Variants in MATN2 observed in about 807,000 individuals in gnomAD.
The protein encoded by MATN2 is matrilin 2, also known as matrilin-2.
Under a neutral mutation model 103.2 loss-of-function variants are expected in MATN2, and 69 were observed. The ratio of observed to expected loss-of-function variants is 0.67; its 90% CI spans 0.55 to 0.82. The LOEUF is 0.82. Ranked by LOEUF, MATN2 falls within the 40% of genes least tolerant of loss-of-function variation. The pLI, the probability that MATN2 is intolerant of heterozygous loss-of-function variation, is 0.00. For missense variants in MATN2, 1,023 were observed against 1,211.5 expected (o/e 0.84, Z 2.31); for synonymous variants, 429 against 450.2 (o/e 0.95, Z 0.60).
intron 13 of MATN2, among the ~76,000 whole-genome samples, chr8:98,022,691 T>C (rs1813644832): frequency 1.3e-5 from 2 of 150,194 alleles, no homozygotes; most frequent in African/African-American, 2.4e-5. Flanking sequence ...AGAAGCTTTC[T>C]ACCAGGGAAG....
rs180682561 is a variant in MATN2 at position 97,970,426 on chromosome 8, G to T, written c.959-8460G>T. On this transcript the variant is annotated intron_variant, in intron 5 of 18. Coordinates refer to ENST00000254898, the MANE Select transcript of MATN2 (RefSeq NM_002380.5). ...CCTGCCTCCTACCTCACAGCTACTA[G>T]TGAATTTATGCAGTAGATTTTCAGT... Among the ~76,000 whole-genome samples the T allele has an allele frequency of 2.4e-4, 36 of 152,272 alleles. No individual in the cohort carries two copies. In the East Asian group the frequency reaches 6.6e-3, roughly 28 times the overall value.
At chr8:97,962,782 C>G (rs1029615038) in intron 5 of MATN2, among the ~76,000 whole-genome samples, 2 of 152,186 alleles carry the variant, frequency 1.3e-5, no homozygotes, top group Non-Finnish European at 2.9e-5. Flanking sequence ...TGAGAAAAAT[C>G]ACTATTAATA....
Position 98,018,052 on chromosome 8 carries a change from T to C in MATN2, c.1755T>C (p.Asp585=), listed in dbSNP as rs2248014. Residue 585 remains aspartate (D), a synonymous_variant, in exon 12 of 19, where the codon GAT becomes GAC. Transcript: ENST00000254898. ...HGCEHICVNS[D]DSYTCECLEG... ...GTGAACACATTTGTGTGAACAGTGATGACTCATACACGTGCGAGTGCTTGG... is the reference window on the plus strand; with the variant it reads ...GTGAACACATTTGTGTGAACAGTGACGACTCATACACGTGCGAGTGCTTGG... 0.72 allele frequency: 1,168,751 copies of C among 1,613,528 alleles called. 429,314 individuals are homozygous for C. Among genetic ancestry groups the C allele is most frequent in the African/African-American group, 0.82 (61,805 of 75,012 alleles).
chr8:97,903,590 C>T (rs988774808), intron 2 of MATN2, among the ~76,000 whole-genome samples: 24 of 152,162 alleles, frequency 1.6e-4, no homozygotes, highest in African/African-American at 4.8e-4. Flanking sequence ...CTGGTCTTTG[C>T]CCTGTAGATG....
intron 4 of MATN2, among the ~76,000 whole-genome samples, chr8:97,952,542 C>T (rs1201554852): frequency 2.0e-5 from 3 of 152,118 alleles, no homozygotes; most frequent in Admixed American, 6.5e-5. Context: ...GAGATGCAGG[C>T]GCCAGGGTTT....
At position 97,989,017 on chromosome 8, in the gene MATN2, G is replaced by A. The variant is rs538657054; in HGVS notation, c.1082-5463G>A. On this transcript the variant is annotated intron_variant, in intron 6 of 18. Coordinates refer to ENST00000254898, the MANE Select transcript of MATN2 (RefSeq NM_002380.5). ...CACAACCAAGTGGGATTTATTCCAGGAATTCAAAGTTGGCTTAACATTCAA... is the reference window on the plus strand; with the variant it reads ...CACAACCAAGTGGGATTTATTCCAGAAATTCAAAGTTGGCTTAACATTCAA... Among the ~76,000 whole-genome samples the A allele has an allele frequency of 1.8e-4, 27 of 152,194 alleles. No individual in the cohort carries two copies. In the South Asian group the frequency reaches 3.9e-3, roughly 22 times the overall value.
intron 1 of MATN2, among the ~76,000 whole-genome samples, chr8:97,876,061 C>A (rs1052971903): frequency 5.3e-5 from 8 of 152,022 alleles, no homozygotes; most frequent in Non-Finnish European, 1.2e-4. Context: ...GACTGTCGCC[C>A]AGGCTGGAGT....
intron 5 of MATN2, among the ~76,000 whole-genome samples, chr8:97,970,333 C>T (rs1226246873): frequency 6.6e-6 from 1 of 152,140 alleles, no homozygotes; most frequent in Non-Finnish European, 1.5e-5. Context: ...AGGCTGCTTT[C>T]ACCCCAGCCC....
chr8:97,971,157 C>T (rs2130287353), intron 5 of MATN2, among the ~76,000 whole-genome samples: 1 of 152,186 alleles, frequency 6.6e-6, no homozygotes, highest in African/African-American at 2.4e-5. Context: ...TTGATACTGT[C>T]AGAGAGTCCT....
chr8:98,012,523 G>A (rs942771991), intron 10 of MATN2, among the ~76,000 whole-genome samples: 2 of 152,160 alleles, frequency 1.3e-5, no homozygotes, highest in African/African-American at 2.4e-5. Context: ...GCCAGAGAGC[G>A]AACTGCAGGA....
chr8:97,961,892 T>C (rs890962110), intron 5 of MATN2, among the ~76,000 whole-genome samples: 1 of 152,204 alleles, frequency 6.6e-6, no homozygotes, highest in Non-Finnish European at 1.5e-5. Context: ...TGAAATTTAC[T>C]TGGGTGGGTT....
At chr8:97,891,910 T>C (rs888356772) in intron 2 of MATN2, among the ~76,000 whole-genome samples, 2 of 151,848 alleles carry the variant, frequency 1.3e-5, no homozygotes, top group African/African-American at 4.8e-5. Flanking sequence ...GAGACCAGTC[T>C]GGGCAACATA....
intron 10 of MATN2, among the ~76,000 whole-genome samples, chr8:98,013,200 CTA>C (rs1338445824): frequency 6.6e-6 from 1 of 152,244 alleles, no homozygotes; most frequent in African/African-American, 2.4e-5. Context: ...AGGAGGTTAA[CTA>C]TCATCCACCT....
At chr8:97,872,943 G>A (rs1249646046) in intron 1 of MATN2, among the ~76,000 whole-genome samples, 1 of 152,072 alleles carries the variant, frequency 6.6e-6, no homozygotes, top group Admixed American at 6.5e-5. Flanking sequence ...ACAGCCATGA[G>A]CTACCACACC....
intron 2 of MATN2, among the ~76,000 whole-genome samples, chr8:97,894,909 G>T (rs1240297168): frequency 6.6e-6 from 1 of 151,044 alleles, no homozygotes; most frequent in Admixed American, 6.6e-5. Flanking sequence ...GTCTTGCTCT[G>T]TCACCCAGGC....
chr8:97,884,233 C>T lies in MATN2; in HGVS notation c.-26-3842C>T, dbSNP rs188158356. Among the ~76,000 whole-genome samples the T allele has an allele frequency of 1.7e-3, 261 of 151,242 alleles. 1 individual carries two copies. Among genetic ancestry groups the T allele is most frequent in the African/African-American group, 5.6e-3 (232 of 41,214 alleles). The stretch of plus-strand genomic sequence containing the variant: ...TTGGCTCATTGCAGCCTTCACCTTC[C>T]GGGTTTAATAAATTCTCCTGCCTCA... On this transcript the variant is annotated intron_variant, in intron 1 of 18. Transcript: ENST00000254898.
Position 97,941,161 on chromosome 8 carries a change from C to CAAAAAAAAAAAAAA in MATN2, c.713-605_713-592dup, listed in dbSNP as rs1186024165. On this transcript the variant is annotated intron_variant, in intron 3 of 18. Transcript: ENST00000254898. ...TGGAAGACAGAGCAAGACCTTGTCT[C>CAAAAAAAAAAAAAA]AAAAAAAAAAAAAAAAAAAAAAAAG... Among the ~76,000 whole-genome samples the CAAAAAAAAAAAAAA allele has an allele frequency of 2.9e-4, 23 of 77,984 alleles. 1 individual carries two copies. The highest frequency in any genetic ancestry group is 4.0e-4 in the South Asian group (1 of 2,522). 51.2% of individuals were successfully genotyped at this position (77,984 alleles called of 152,430 possible). A position where few individuals can be genotyped will look rare whatever the true frequency, so the allele number is the denominator to read the frequency against.
At chr8:98,003,239 C>T (rs570044982) in intron 7 of MATN2, among the ~76,000 whole-genome samples, 1 of 152,312 alleles carries the variant, frequency 6.6e-6, no homozygotes, top group African/African-American at 2.4e-5. Flanking sequence ...TTTGCGTTTG[C>T]TGTCCTCGAG....
intron 2 of MATN2, among the ~76,000 whole-genome samples, chr8:97,920,357 G>A (rs971690394): frequency 5.3e-5 from 8 of 152,208 alleles, no homozygotes; most frequent in African/African-American, 1.7e-4. Flanking sequence ...AGAGGGGCAC[G>A]CCACCATGCC....
Sources: gnomAD v4.1 joint callset for allele counts (sites outside exome capture counted in the v4.1 genomes callset) on GRCh38, gnomAD v4.1.1 for gene constraint, MANE v1.5 for transcripts, NCBI Gene and HGNC (gene_info 2026-07-23, HGNC 2026-07-21) for gene names.